The following PDCD2L variants were observed in gnomAD, a reference collection of about 807,000 sequenced individuals.
PDCD2L encodes programmed cell death 2 like, also known as uS5 assembly chaperone PDCD2L.
Under a neutral mutation model 40.4 loss-of-function variants are expected in PDCD2L, and 44 were observed. The ratio of observed to expected loss-of-function variants is 1.09; its 90% CI spans 0.86 to 1.40. The LOEUF (loss-of-function observed/expected upper bound fraction) is 1.40, where lower values mean the gene tolerates loss of function less well. PDCD2L is among the 40% of genes most tolerant of loss of function. The pLI is 0.00. For synonymous variants in PDCD2L, 194 were observed against 174.6 expected, an observed-to-expected ratio of 1.11 and a Z score of -0.88; for missense variants, 470 against 453.7, an observed-to-expected ratio of 1.04 and a Z score of -0.33.
Position 34,404,462 on chromosome 19 carries a change from G to T in PDCD2L, c.32G>T (p.Gly11Val). Residue 11 changes from glycine to valine, a missense_variant, in exon 1 of 7, where the codon GGC becomes GTC. Coordinates refer to ENST00000246535, the MANE Select transcript of PDCD2L (RefSeq NM_032346.2). ...GCCGTTCTGAAGCCGGTGCTGCTGG[G>T]CCTTCGAGATGCGCCGGTGCACGGC... MAAVLKPVLL[G>V]LRDAPVHGSP... is the part of the protein sequence containing the mutation. The T allele has an allele frequency of 6.5e-7, 1 of 1,544,912 alleles. No individual in the cohort carries two copies.
At chr19:34,409,698 G>T (rs556352425) in intron 4 of PDCD2L, among the ~76,000 whole-genome samples, 188 bp downstream of exon 4, 1 of 152,238 alleles carries the variant, frequency 6.6e-6, no homozygotes, top group East Asian at 1.9e-4. Flanking sequence ...TATAATTGCC[G>T]TTAAGAAAGT....
intron 5 of PDCD2L, among the ~76,000 whole-genome samples, 194 bp downstream of exon 5, chr19:34,414,041 G>A (rs2075116214): frequency 6.6e-6 from 1 of 152,090 alleles, no homozygotes; most frequent in Non-Finnish European, 1.5e-5. Context: ...AAGGTAAAGT[G>A]CACTCACTTG....
intron 4 of PDCD2L, among the ~76,000 whole-genome samples, chr19:34,413,212 G>T (rs1023665685): frequency 2.0e-5 from 3 of 149,482 alleles, no homozygotes; most frequent in African/African-American, 7.4e-5. Context: ...CTAATTTTTT[G>T]TACTTTTATT....
rs754032924 is a variant in PDCD2L, at chr19:34,419,773, C to CTTTT, written c.798-1728_798-1725dup. Among the ~76,000 whole-genome samples the CTTTT allele has an allele frequency of 4.4e-4, 16 of 36,638 alleles. 7 individuals are homozygous for CTTTT. Among genetic ancestry groups the CTTTT allele is most frequent in the East Asian group, 1.9e-3 (2 of 1,056 alleles). The allele number at this position is 36,638 out of a possible 152,430, so 24.0% of individuals were successfully genotyped here. A position where few individuals can be genotyped will look rare whatever the true frequency, so the allele number is the denominator to read the frequency against. On this transcript the variant is annotated intron_variant, in intron 5 of 6. Transcript: ENST00000246535. ...CTTTTATTTTTAACTCTTTATGTTG[C>CTTTT]TTTTTTTTTTTTTTTTTTTTTAAGA...
intron 3 of PDCD2L, among the ~76,000 whole-genome samples, chr19:34,408,940 T>C (rs150617695): frequency 0.015 from 2,222 of 152,254 alleles, 25 homozygotes; most frequent in South Asian, 0.025. Flanking sequence ...CTGTACTATA[T>C]CTGTCACACT....
Position 34,404,406 on chromosome 19 carries a change from G to A in PDCD2L, c.-25G>A. 3.3e-6 allele frequency: 5 copies of A among 1,536,846 alleles called. No individual in the cohort carries two copies. Among genetic ancestry groups the A allele is most frequent in the South Asian group, 1.2e-5 (1 of 83,090 alleles). On this transcript the variant is annotated 5_prime_UTR_variant, in exon 1 of 7. Transcript: ENST00000246535. ...GCGCAGAGAGGCCGCCGTAGTTTGCGTTTTCACCTGGTCGCCCGGCGGCCA... is the reference window on the plus strand; with the variant it reads ...GCGCAGAGAGGCCGCCGTAGTTTGCATTTTCACCTGGTCGCCCGGCGGCCA...
At chr19:34,423,779 C>T (rs1330626407) in intron 6 of PDCD2L, among the ~76,000 whole-genome samples, 5 of 152,090 alleles carry the variant, frequency 3.3e-5, no homozygotes, top group Admixed American at 6.5e-5. Context: ...CATGAGCCAC[C>T]GCGCCTGGCC....
At chr19:34,424,743 T>TC (rs1180458369) in intron 6 of PDCD2L, among the ~76,000 whole-genome samples, 2 of 107,490 alleles carry the variant, frequency 1.9e-5, no homozygotes, top group African/African-American at 5.5e-5. Flanking sequence ...TGCCATTTTT[T>TC]CATTTTTTTT....
At chr19:34,423,931 A>G (rs1479283343) in intron 6 of PDCD2L, among the ~76,000 whole-genome samples, 1 of 152,138 alleles carries the variant, frequency 6.6e-6, no homozygotes, top group Non-Finnish European at 1.5e-5. Context: ...TTCTCAAGTA[A>G]TAGCTTTAAG....
At chr19:34,424,413 G>A (rs1363520556) in intron 6 of PDCD2L, among the ~76,000 whole-genome samples, 1 of 152,174 alleles carries the variant, frequency 6.6e-6, no homozygotes, top group Non-Finnish European at 1.5e-5. Flanking sequence ...AAATTTTAGA[G>A]CAGGAGTGAA....
chr19:34,415,207 G>A (rs560437810), intron 5 of PDCD2L, among the ~76,000 whole-genome samples: 2 of 152,030 alleles, frequency 1.3e-5, no homozygotes, highest in African/African-American at 2.4e-5. Context: ...TGCAATCTCC[G>A]CCTCCCAAGT....
chr19:34,425,050 C>T (rs1053438950), intron 6 of PDCD2L, among the ~76,000 whole-genome samples: 2 of 152,070 alleles, frequency 1.3e-5, no homozygotes, highest in Non-Finnish European at 2.9e-5. Flanking sequence ...TGTGCCCAGC[C>T]AATGCATACA....
intron 4 of PDCD2L, among the ~76,000 whole-genome samples, chr19:34,411,182 T>TA (rs1409112465): frequency 1.4e-5 from 2 of 147,104 alleles, no homozygotes; most frequent in South Asian, 2.1e-4. Context: ...TTTTTTTTTT[T>TA]AGAGATGGGA....
rs1375366306 is a variant in PDCD2L, at chr19:34,413,822, G to A, written c.772G>A (p.Ala258Thr). 1.2e-6 allele frequency: 2 copies of A among 1,602,958 alleles called. No individual in the cohort carries two copies. The highest frequency in any genetic ancestry group is 2.2e-5 in the East Asian group (1 of 44,778). Residue 258 changes from alanine (A) to threonine (T), a missense_variant, in exon 5 of 7, where the codon GCT becomes ACT. Coordinates refer to ENST00000246535, the MANE Select transcript of PDCD2L (RefSeq NM_032346.2). ...QTFYKFMKRI[A>T]ACQEQILRYS... ...GTTTTACAAATTCATGAAGCGAATT[G>A]CTGCTTGTCAGGAGCAGATTTTGAG...
intron 6 of PDCD2L, among the ~76,000 whole-genome samples, chr19:34,424,250 G>T (rs191879579): frequency 6.6e-6 from 1 of 151,770 alleles, no homozygotes; most frequent in East Asian, 1.9e-4. Flanking sequence ...GAGGTATGAG[G>T]GTGGTCTGAT....
At chr19:34,425,938 A>G in intron 6 of PDCD2L, 52 bp from the exon 7 acceptor site, 2 of 1,573,226 alleles carry the variant, frequency 1.3e-6, no homozygotes, top group Non-Finnish European at 1.7e-6. Flanking sequence ...TTTTAGTAAC[A>G]TCAGTCTCAT....
At chr19:34,407,409 G>A (rs2145457862) in intron 3 of PDCD2L, among the ~76,000 whole-genome samples, 1 of 152,260 alleles carries the variant, frequency 6.6e-6, no homozygotes, top group Admixed American at 6.5e-5. Context: ...GAGGTGCTGG[G>A]ATTACAGGCG....
chr19:34,410,321 G>C (rs192070912), intron 4 of PDCD2L, among the ~76,000 whole-genome samples: 2 of 152,246 alleles, frequency 1.3e-5, no homozygotes, highest in South Asian at 2.1e-4. Context: ...GCACGATCTC[G>C]GCTCACTGCA....
rs777586009 is a variant in PDCD2L at position 34,413,727 on chromosome 19, C to T, written c.687-10C>T. 2.1e-6 allele frequency: 3 copies of T among 1,440,718 alleles called. No individual in the cohort carries two copies. The highest frequency in any genetic ancestry group is 1.2e-5 in the South Asian group (1 of 83,090). The allele number at this position is 1,440,718 out of a possible 1,614,324, so 89.2% of individuals were successfully genotyped here. A position where few individuals can be genotyped will look rare whatever the true frequency, so the allele number is the denominator to read the frequency against. The stretch of plus-strand genomic sequence containing the variant: ...AGACATTCAAAAGTGTTTTCTGCTT[C>T]TGTTTTTAGCCTTCCTAATGATGGT... On this transcript the variant is annotated splice_polypyrimidine_tract_variant and intron_variant, in intron 4 of 6. Transcript: ENST00000246535.
Sources: allele counts gnomAD v4.1 joint callset (sites outside exome capture counted in the v4.1 genomes callset), GRCh38; gene constraint gnomAD v4.1.1; transcripts MANE v1.5; gene names NCBI Gene and HGNC (gene_info 2026-07-23, HGNC 2026-07-21).